DLGAP2: variants seen among roughly 807,000 people sequenced by gnomAD.
The protein encoded by DLGAP2 is DLG associated protein 2.
A neutral mutation model predicts 100.3 loss-of-function variants in DLGAP2; 26 were observed. The observed-to-expected ratio is 0.26, with a 90% CI of 0.19 to 0.36. The LOEUF (loss-of-function observed/expected upper bound fraction) is 0.36, where lower values mean the gene tolerates loss of function less well. Among genes scored for constraint, DLGAP2 ranks in the 10% least tolerant of loss-of-function variants. DLGAP2 has a pLI of 1.00. For missense variants in DLGAP2, 1,858 were observed against 1,453.2 expected, an observed-to-expected ratio of 1.28 and a Z score of -4.53; for synonymous variants, 886 against 630.1, an observed-to-expected ratio of 1.41 and a Z score of -6.08.
chr8:1,187,022 C>T (rs1231182404), intron 2 of DLGAP2, among the ~76,000 whole-genome samples: 2 of 151,590 alleles, frequency 1.3e-5, no homozygotes, highest in Non-Finnish European at 2.9e-5. Context: ...GTGCAGGTGG[C>T]GGTCGTGGGC....
At chr8:1,024,723 C>G (rs1440585628) in intron 2 of DLGAP2, among the ~76,000 whole-genome samples, 4 of 152,184 alleles carry the variant, frequency 2.6e-5, no homozygotes. Flanking sequence ...GGCGCTTCAG[C>G]AGGGCTGGGT....
chr8:1,328,893 C>T (rs1053437706), intron 3 of DLGAP2, among the ~76,000 whole-genome samples: 8 of 152,202 alleles, frequency 5.3e-5, no homozygotes, highest in African/African-American at 1.9e-4. Flanking sequence ...GTGGTAGAAG[C>T]TTTCAGGAAA....
chr8:851,771 T>G (rs1412658980), intron 1 of DLGAP2, among the ~76,000 whole-genome samples: 1 of 152,200 alleles, frequency 6.6e-6, no homozygotes, highest in Non-Finnish European at 1.5e-5. Context: ...CCACGCCACG[T>G]GCCCCGCAGC....
intron 2 of DLGAP2, among the ~76,000 whole-genome samples, chr8:970,544 C>G (rs1037826443): frequency 1.3e-5 from 2 of 152,098 alleles, no homozygotes; most frequent in Non-Finnish European, 2.9e-5. Context: ...GTTTTTTGGA[C>G]TAATGTAAAC....
At chr8:795,133 T>C (rs1172416550) in intron 1 of DLGAP2, among the ~76,000 whole-genome samples, 2 of 152,212 alleles carry the variant, frequency 1.3e-5, no homozygotes, top group Admixed American at 1.3e-4. Flanking sequence ...TTTTCGTTAT[T>C]AACAGCAGTT....
chr8:1,512,071 C>G (rs750701487), intron 4 of DLGAP2, among the ~76,000 whole-genome samples: 1 of 152,216 alleles, frequency 6.6e-6, no homozygotes, highest in African/African-American at 2.4e-5. Context: ...AGCCCTGTGA[C>G]GCATCAGCCC....
At chr8:1,596,169 A>C (rs537275835) in intron 6 of DLGAP2, among the ~76,000 whole-genome samples, 1 of 152,228 alleles carries the variant, frequency 6.6e-6, no homozygotes, top group South Asian at 2.1e-4. Flanking sequence ...GATGGTTTCC[A>C]GCTTCATCCA....
chr8:1,121,672 T>G (rs1796051818), intron 2 of DLGAP2, among the ~76,000 whole-genome samples: 1 of 152,012 alleles, frequency 6.6e-6, no homozygotes, highest in Non-Finnish European at 1.5e-5. Flanking sequence ...TCAGAACCCC[T>G]GACCACCCAA....
chr8:1,347,972 G>T (rs546773739), intron 3 of DLGAP2, among the ~76,000 whole-genome samples: 2 of 151,452 alleles, frequency 1.3e-5, no homozygotes, highest in South Asian at 4.2e-4. Context: ...TTGCACTCAT[G>T]GTAGCTGTGT....
chr8:1,520,898 T>C (rs1390551271), intron 4 of DLGAP2, among the ~76,000 whole-genome samples: 1 of 152,188 alleles, frequency 6.6e-6, no homozygotes, highest in East Asian at 1.9e-4. Context: ...CTGGACTGCA[T>C]GGTGAGTGCC....
At chr8:1,174,379 C>T (rs1224002479) in intron 2 of DLGAP2, among the ~76,000 whole-genome samples, 1 of 151,636 alleles carries the variant, frequency 6.6e-6, no homozygotes, top group Non-Finnish European at 1.5e-5. Context: ...TTATCATTAC[C>T]ATTACCACCA....
At chr8:1,331,184 C>G (rs775715850) in intron 3 of DLGAP2, among the ~76,000 whole-genome samples, 3 of 152,140 alleles carry the variant, frequency 2.0e-5, no homozygotes, top group African/African-American at 7.2e-5. Context: ...GATTCTTAGT[C>G]GACAGGTAGA....
chr8:1,362,474 C>T (rs751330150), intron 3 of DLGAP2, among the ~76,000 whole-genome samples: 25 of 152,074 alleles, frequency 1.6e-4, no homozygotes, highest in Non-Finnish European at 8.8e-5. Flanking sequence ...CAGCCTCCGG[C>T]GGGGACACCC....
At position 943,085 on chromosome 8, in the gene DLGAP2, A is replaced by C. The variant is rs144295489; in HGVS notation, c.73+35119A>C. On this transcript the variant is annotated intron_variant, in intron 2 of 14. Transcript: ENST00000637795. ...AATTCCTGACTTTCAGAAGAAAATC[A>C]GGTGCTCAGCTGGCATCACATTGTT... Among the ~76,000 whole-genome samples, 70 of 152,352 alleles carry C rather than the reference A, an allele frequency of 4.6e-4. No homozygotes were observed. The East Asian group carries it at 9.3e-3, about 20-fold the overall frequency.
chr8:1,251,806 C>T (rs1255843734), intron 2 of DLGAP2, among the ~76,000 whole-genome samples: 1 of 152,254 alleles, frequency 6.6e-6, no homozygotes, highest in African/African-American at 2.4e-5. Context: ...CACGTCACGT[C>T]ATCGCACTGT....
chr8:1,130,025 G>T (rs751684397), intron 2 of DLGAP2, among the ~76,000 whole-genome samples: 2 of 152,158 alleles, frequency 1.3e-5, no homozygotes, highest in Non-Finnish European at 2.9e-5. Flanking sequence ...TGTAGCTCAC[G>T]TCGGGCACTT....
intron 2 of DLGAP2, among the ~76,000 whole-genome samples, chr8:1,063,384 G>T (rs1452214954): frequency 6.6e-6 from 1 of 152,140 alleles, no homozygotes; most frequent in Non-Finnish European, 1.5e-5. Context: ...GAGGTCTCGG[G>T]GTTGTACCGT....
intron 3 of DLGAP2, among the ~76,000 whole-genome samples, chr8:1,411,299 CAG>C (rs1442673067): frequency 6.6e-6 from 1 of 152,138 alleles, no homozygotes; most frequent in Non-Finnish European, 1.5e-5. Context: ...TCAAAGAAAA[CAG>C]AGTTAGGAAT....
At chr8:1,275,111 G>A (rs944305571) in intron 3 of DLGAP2, among the ~76,000 whole-genome samples, 7 of 152,108 alleles carry the variant, frequency 4.6e-5, no homozygotes, top group South Asian at 2.1e-4. Context: ...ATTTAATTTC[G>A]AGCACTGGCT....
Sources: allele counts gnomAD v4.1 joint callset (sites outside exome capture counted in the v4.1 genomes callset), GRCh38; gene constraint gnomAD v4.1.1; transcripts MANE v1.5; gene names NCBI Gene and HGNC (gene_info 2026-07-23, HGNC 2026-07-21).